Variants in EIF4ENIF1 observed in about 807,000 individuals in gnomAD.
EIF4ENIF1 encodes the protein eukaryotic translation initiation factor 4E transporter.
Under a neutral mutation model 110.5 loss-of-function variants are expected in EIF4ENIF1, and 23 were observed. The ratio of observed to expected loss-of-function variants is 0.21; its 90% CI spans 0.15 to 0.29. The LOEUF (loss-of-function observed/expected upper bound fraction) is 0.29, where lower values mean the gene tolerates loss of function less well. Among genes scored for constraint, EIF4ENIF1 ranks in the 10% least tolerant of loss-of-function variants. The pLI is 1.00. For missense variants in EIF4ENIF1, 1,031 were observed against 1,221.1 expected (o/e 0.84, Z 2.32); for synonymous variants, 440 against 437.0 (o/e 1.01, Z -0.09).
chr22:31,460,372 G>A (rs190533943), intron 6 of EIF4ENIF1, among the ~76,000 whole-genome samples: 3 of 152,286 alleles, frequency 2.0e-5, no homozygotes, highest in South Asian at 2.1e-4. Flanking sequence ...AGTGGTTCAC[G>A]CCTATAATCT....
chr22:31,447,173 GA>G (rs1487400524), intron 14 of EIF4ENIF1, among the ~76,000 whole-genome samples: 1 of 151,852 alleles, frequency 6.6e-6, no homozygotes, highest in East Asian at 1.9e-4. Flanking sequence ...CAAACTCAAG[GA>G]AAAAAAGTAA....
At chr22:31,463,173 C>T (rs781255062) in intron 5 of EIF4ENIF1, 40 bp from the exon 6 acceptor site, 2 of 1,587,062 alleles carry the variant, frequency 1.3e-6, no homozygotes, top group African/African-American at 1.4e-5. Context: ...AATTTCTAGT[C>T]AAGCCATTTC....
Position 31,442,176 on chromosome 22 carries a change from C to T in EIF4ENIF1, c.2207-58G>A, listed in dbSNP as rs1031207555. On this transcript the variant is annotated intron_variant, in intron 16 of 18. Coordinates refer to ENST00000330125, the MANE Select transcript of EIF4ENIF1 (RefSeq NM_019843.4). ...AACCTCTCCCAAACACTTGTGGCCT[C>T]CCACTGGTCTAATAAATCTCATTTC... The T allele has an allele frequency of 4.7e-6, 6 of 1,286,772 alleles. No individual in the cohort carries two copies. In the Admixed American group the frequency reaches 8.2e-5, roughly 18 times the overall value. 79.7% of individuals were successfully genotyped at this position (1,286,772 alleles called of 1,614,324 possible).
chr22:31,485,628 C>G lies in EIF4ENIF1; in HGVS notation c.96+2995G>C, dbSNP rs563485631. 1.5e-4 allele frequency among the ~76,000 whole-genome samples: 23 copies of G among 151,408 alleles called. 1 individual carries two copies. The South Asian group carries it at 4.6e-3, about 30-fold the overall frequency. On this transcript the variant is annotated intron_variant, in intron 2 of 18. Transcript: ENST00000330125. ...GGTGGATCACCTGAGGTCAGGAGTT[C>G]AAGACAGGACTGACCAACATACAAA...
Position 31,470,709 on chromosome 22 carries a change from T to C in EIF4ENIF1, c.170+1135A>G, listed in dbSNP as rs1233264154. On this transcript the variant is annotated intron_variant, in intron 3 of 18. Transcript: ENST00000330125. ...ACTTTTTTTTTTTTTTTTTTTGAGA[T>C]AGGATCTCTGTTGCTCAGGCTGGAG... Among the ~76,000 whole-genome samples, 8 of 144,758 alleles carry C rather than the reference T, an allele frequency of 5.5e-5. 1 individual carries two copies. The highest frequency in any genetic ancestry group is 4.9e-4 in the Admixed American group (7 of 14,340). The allele number at this position is 144,758 out of a possible 152,430, so 95.0% of individuals were successfully genotyped here.
chr22:31,482,772 A>G (rs982648052), intron 2 of EIF4ENIF1, among the ~76,000 whole-genome samples: 1 of 152,022 alleles, frequency 6.6e-6, no homozygotes, highest in African/African-American at 2.4e-5. Context: ...GCCTGTAATC[A>G]GAGCACTTTA....
At chr22:31,467,345 T>G (rs1416085617) in intron 4 of EIF4ENIF1, among the ~76,000 whole-genome samples, 1 of 152,136 alleles carries the variant, frequency 6.6e-6, no homozygotes, top group Non-Finnish European at 1.5e-5. Context: ...CGTCCTCTCA[T>G]CTCAAAAAAA....
chr22:31,480,311 A>C (rs1285220802), intron 2 of EIF4ENIF1, among the ~76,000 whole-genome samples: 2 of 152,260 alleles, frequency 1.3e-5, no homozygotes, highest in African/African-American at 2.4e-5. Flanking sequence ...AAAGCAAATG[A>C]ATCTCAACAA....
At chr22:31,448,027 G>T in intron 13 of EIF4ENIF1, 126 bp downstream of exon 13, 1 of 1,027,326 alleles carries the variant, frequency 9.7e-7, no homozygotes, top group Non-Finnish European at 1.5e-6. Flanking sequence ...GGGATTACGG[G>T]CATGAGCCAC....
chr22:31,481,417 C>T (rs1395546250), intron 2 of EIF4ENIF1, among the ~76,000 whole-genome samples: 1 of 152,052 alleles, frequency 6.6e-6, no homozygotes, highest in Non-Finnish European at 1.5e-5. Context: ...CCACCTTGTC[C>T]TCCCAATGAC....
chr22:31,485,678 C>G (rs1209690793), intron 2 of EIF4ENIF1, among the ~76,000 whole-genome samples: 1 of 150,852 alleles, frequency 6.6e-6, no homozygotes, highest in African/African-American at 2.4e-5. Flanking sequence ...GTGGTGCATG[C>G]CTGTAATCCC....
chr22:31,479,855 G>A (rs1407960694), intron 2 of EIF4ENIF1, among the ~76,000 whole-genome samples: 1 of 151,810 alleles, frequency 6.6e-6, no homozygotes, highest in African/African-American at 2.4e-5. Context: ...AAGACTACAG[G>A]TGCATGCCAC....
chr22:31,485,840 G>C (rs1243536582), intron 2 of EIF4ENIF1, among the ~76,000 whole-genome samples: 1 of 151,802 alleles, frequency 6.6e-6, no homozygotes, highest in Non-Finnish European at 1.5e-5. Context: ...AAGGGGCCAG[G>C]CTCGGTGGCT....
intron 10 of EIF4ENIF1, among the ~76,000 whole-genome samples, chr22:31,451,659 G>A (rs1362016104): frequency 2.6e-5 from 4 of 151,452 alleles, no homozygotes; most frequent in Non-Finnish European, 5.9e-5. Flanking sequence ...AAGCAGTAGT[G>A]GTTACTTTTT....
At chr22:31,485,975 A>G (rs2052004444) in intron 2 of EIF4ENIF1, among the ~76,000 whole-genome samples, 1 of 151,012 alleles carries the variant, frequency 6.6e-6, no homozygotes, top group Non-Finnish European at 1.5e-5. Context: ...GGCCAGGTGC[A>G]GTGGCTCACA....
intron 12 of EIF4ENIF1, among the ~76,000 whole-genome samples, chr22:31,449,027 T>C (rs1201524390): frequency 3.9e-5 from 6 of 152,202 alleles, no homozygotes; most frequent in Non-Finnish European, 8.8e-5. Context: ...ATTTATTTTT[T>C]TGAGACAGAG....
chr22:31,464,953 T>G (rs1252182150), intron 4 of EIF4ENIF1, among the ~76,000 whole-genome samples: 2 of 151,454 alleles, frequency 1.3e-5, no homozygotes, highest in Non-Finnish European at 2.9e-5. Flanking sequence ...GTTTAGAGAA[T>G]GCAAAGACAA....
intron 6 of EIF4ENIF1, among the ~76,000 whole-genome samples, chr22:31,459,482 CTTGCCCTGCCTACCCATTT>C (rs1336386977): frequency 6.6e-6 from 1 of 152,150 alleles, no homozygotes; most frequent in African/African-American, 2.4e-5. Flanking sequence ...CTCTGGGAAG[CTTGCCCTGCCTACCCATTT>C]TTGCCCTACC....
At chr22:31,465,086 G>C (rs535159891) in intron 4 of EIF4ENIF1, among the ~76,000 whole-genome samples, 1 of 152,200 alleles carries the variant, frequency 6.6e-6, no homozygotes, top group South Asian at 2.1e-4. Context: ...CACTTTGGGA[G>C]GCTGAGGTAG....
Sources: allele counts gnomAD v4.1 joint callset (sites outside exome capture counted in the v4.1 genomes callset), GRCh38; gene constraint gnomAD v4.1.1; transcripts MANE v1.5; gene names NCBI Gene and HGNC (gene_info 2026-07-23, HGNC 2026-07-21).